Variants in DPP6 observed in about 807,000 individuals in gnomAD.
DPP6 encodes the protein A-type potassium channel modulatory protein DPP6.
In DPP6, 69 loss-of-function variants were observed where a neutral mutation model predicts 122.6. That is an observed-to-expected ratio of 0.56 (90% CI 0.46 to 0.69). The LOEUF (loss-of-function observed/expected upper bound fraction) is 0.69, where lower values mean the gene tolerates loss of function less well. Among genes scored for constraint, DPP6 ranks in the 30% least tolerant of loss-of-function variants. DPP6 has a pLI of 0.00. For missense variants in DPP6, 928 were observed against 1,116.9 expected, an observed-to-expected ratio of 0.83 and a Z score of 2.41; for synonymous variants, 418 against 433.1, an observed-to-expected ratio of 0.97 and a Z score of 0.43.
At chr7:154,143,605 G>T (rs1380063388) in intron 1 of DPP6, among the ~76,000 whole-genome samples, 1 of 152,112 alleles carries the variant, frequency 6.6e-6, no homozygotes, top group Non-Finnish European at 1.5e-5. Flanking sequence ...GATTTCCTAG[G>T]CATCTATAGT....
At chr7:154,473,694 A>G (rs1822485517) in intron 2 of DPP6, among the ~76,000 whole-genome samples, 1 of 152,234 alleles carries the variant, frequency 6.6e-6, no homozygotes. Flanking sequence ...AACCTGCCAC[A>G]GAGTTTAAAA....
At chr7:154,446,394 A>AT (rs1283057224) in intron 2 of DPP6, 66 bp downstream of exon 2, 3 of 1,253,426 alleles carry the variant, frequency 2.4e-6, no homozygotes, top group Admixed American at 2.2e-5. Context: ...TTACCTTGCA[A>AT]TTTTTTTCTA....
chr7:154,369,306 G>T lies in DPP6; in HGVS notation c.244-76908G>T, dbSNP rs117962824. ...GATGAGGTTTCACCATACTGATCAGGCTGGCAGTGTTTTCTTCTTTACTTC... is the reference window on the plus strand; with the variant it reads ...GATGAGGTTTCACCATACTGATCAGTCTGGCAGTGTTTTCTTCTTTACTTC... On this transcript the variant is annotated intron_variant, in intron 1 of 25. Coordinates refer to ENST00000377770, the MANE Select transcript of DPP6 (RefSeq NM_130797.4). Among the ~76,000 whole-genome samples, 905 of 151,802 alleles carry T rather than the reference G, an allele frequency of 6.0e-3. 21 individuals are homozygous for T. Among genetic ancestry groups the T allele is most frequent in the East Asian group, 0.055 (281 of 5,142 alleles).
chr7:153,947,482 G>C (rs932202140), intron 1 of DPP6, among the ~76,000 whole-genome samples: 1 of 152,040 alleles, frequency 6.6e-6, no homozygotes, highest in African/African-American at 2.4e-5. Flanking sequence ...CTATAAACTA[G>C]ACTGGCAAAA....
At chr7:154,793,920 C>G in intron 10 of DPP6, 159 bp from the exon 11 acceptor site, 6 of 1,234,560 alleles carry the variant, frequency 4.9e-6, no homozygotes, top group Non-Finnish European at 6.6e-6. Flanking sequence ...AGTGCAGATT[C>G]TTTATAAGCC....
chr7:154,334,767 G>A (rs112985266), intron 1 of DPP6, among the ~76,000 whole-genome samples: 2 of 152,194 alleles, frequency 1.3e-5, no homozygotes, highest in Admixed American at 1.3e-4. Flanking sequence ...ATGGTGGCAC[G>A]CACCTGTAGT....
chr7:154,694,187 T>G (rs751962745), intron 7 of DPP6, among the ~76,000 whole-genome samples: 55 of 152,258 alleles, frequency 3.6e-4, no homozygotes, highest in Middle Eastern at 6.8e-3. Flanking sequence ...CTAATCTCAT[T>G]CGTGAGCGTT....
chr7:153,939,262 G>C (rs1235013376), intron 1 of DPP6, among the ~76,000 whole-genome samples: 1 of 152,190 alleles, frequency 6.6e-6, no homozygotes, highest in Non-Finnish European at 1.5e-5. Context: ...AAGTGTTCTA[G>C]ATAACACACA....
chr7:153,927,547 G>T (rs763149909), intron 1 of DPP6, among the ~76,000 whole-genome samples: 2 of 152,158 alleles, frequency 1.3e-5, no homozygotes, highest in Non-Finnish European at 2.9e-5. Context: ...AACATCTACT[G>T]GGAAGGTTGG....
chr7:154,008,922 C>T (rs1342865986), intron 1 of DPP6, among the ~76,000 whole-genome samples: 1 of 149,396 alleles, frequency 6.7e-6, no homozygotes, highest in Non-Finnish European at 1.5e-5. Context: ...GCCTCGGCCT[C>T]CCAAAGTGCT....
intron 17 of DPP6, among the ~76,000 whole-genome samples, chr7:154,866,703 C>G (rs1405979381): frequency 6.6e-6 from 1 of 152,226 alleles, no homozygotes; most frequent in African/African-American, 2.4e-5. Context: ...TGTTTGAAAA[C>G]TAGTGTCACT....
chr7:154,098,758 G>A (rs532336173), intron 1 of DPP6, among the ~76,000 whole-genome samples: 2 of 152,052 alleles, frequency 1.3e-5, no homozygotes, highest in Non-Finnish European at 2.9e-5. Context: ...GCCCTATTGT[G>A]GGAGCCTCCA....
the DPP6 span, among the ~76,000 whole-genome samples, chr7:153,818,652 T>C: frequency 6.6e-6 from 1 of 151,438 alleles, no homozygotes; most frequent in Non-Finnish European, 1.5e-5. Context: ...CAAAGCCAGT[T>C]TTTAAATAAG....
chr7:154,189,974 C>A, intron 1 of DPP6, among the ~76,000 whole-genome samples: 1 of 152,274 alleles, frequency 6.6e-6, no homozygotes, highest in East Asian at 1.9e-4. Context: ...TTTTAGAGAA[C>A]GTTCTTAGTT....
At chr7:154,234,072 G>A (rs562267051) in intron 1 of DPP6, among the ~76,000 whole-genome samples, 98 of 152,262 alleles carry the variant, frequency 6.4e-4, no homozygotes, top group African/African-American at 2.2e-3. Flanking sequence ...GCATATTTGG[G>A]GTGGCTAGAA....
intron 1 of DPP6, among the ~76,000 whole-genome samples, chr7:154,216,986 A>G (rs1800042750): frequency 6.6e-6 from 1 of 151,984 alleles, no homozygotes; most frequent in Non-Finnish European, 1.5e-5. Context: ...TTCTAATCCT[A>G]ATTGCATGTT....
At chr7:153,848,301 A>G in the DPP6 span, among the ~76,000 whole-genome samples, 1 of 131,582 alleles carries the variant, frequency 7.6e-6, no homozygotes, top group Non-Finnish European at 1.6e-5. Context: ...CCGAGAGAGC[A>G]GTCCTGCACG....
intron 16 of DPP6, among the ~76,000 whole-genome samples, chr7:154,810,442 A>T (rs1798979024): frequency 6.6e-6 from 1 of 152,160 alleles, no homozygotes. Flanking sequence ...CAGAGTGTTA[A>T]AGTTTAGAGA....
intron 8 of DPP6, among the ~76,000 whole-genome samples, chr7:154,758,579 C>G (rs932785985): frequency 3.9e-5 from 6 of 152,060 alleles, no homozygotes; most frequent in African/African-American, 1.4e-4. Context: ...ACCATGTTGA[C>G]CAGGCTGGTC....
Sources: allele counts gnomAD v4.1 joint callset (sites outside exome capture counted in the v4.1 genomes callset), GRCh38; gene constraint gnomAD v4.1.1; transcripts MANE v1.5; gene names NCBI Gene and HGNC (gene_info 2026-07-23, HGNC 2026-07-21).